HBG1: variants seen among roughly 807,000 people sequenced by gnomAD.
HBG1 encodes hemoglobin subunit gamma 1, also known as hemoglobin subunit gamma-1.
A neutral mutation model predicts 5.9 loss-of-function variants in HBG1; 1 was observed. That is an observed-to-expected ratio of 0.17 (90% CI 0.06 to 0.81). HBG1 has a LOEUF of 0.81. Among genes scored for constraint, HBG1 ranks in the 30% least tolerant of loss-of-function variants. The pLI is 0.73. For missense variants in HBG1, 57 were observed against 122.0 expected, an observed-to-expected ratio of 0.47 and a Z score of 2.51; for synonymous variants, 19 against 50.5, an observed-to-expected ratio of 0.38 and a Z score of 2.64.
rs1371155429 is a variant in HBG1 at position 5,249,365 on chromosome 11, C to T, written c.315+3G>A. 1.6e-6 allele frequency: 2 copies of T among 1,263,886 alleles called. 1 individual carries two copies. Among genetic ancestry groups the T allele is most frequent in the Non-Finnish European group, 2.2e-6 (2 of 896,858 alleles). 78.3% of individuals were successfully genotyped at this position (1,263,886 alleles called of 1,614,324 possible). A position where few individuals can be genotyped will look rare whatever the true frequency, so the allele number is the denominator to read the frequency against. On this transcript the variant is annotated splice_donor_region_variant and intron_variant, in intron 2 of 2. Transcript: ENST00000330597. ...ACAGGGCTGAAACATCTCCTGGACT[C>T]ACCTTGAAGTTCTCAGGATCCACAT... is the stretch of plus-strand genomic sequence containing the variant.
In HBG1 at chr11:5,249,551, G is replaced by A. The variant is rs1395960485; in HGVS notation, c.132C>T (p.Asp44=). 1.1e-6 allele frequency: 1 copy of A among 929,804 alleles called. No homozygotes were observed. Among genetic ancestry groups the A allele is most frequent in the South Asian group, 1.5e-5 (1 of 64,764 alleles). 57.6% of individuals were successfully genotyped at this position (929,804 alleles called of 1,614,324 possible). The change falls in exon 2 of 3, where the codon GAC becomes GAT. Residue 44 remains aspartate (D), a synonymous_variant. Transcript: ENST00000330597. The stretch of plus-strand genomic sequence containing the variant: ...AGGCAGAGGACAGGTTGCCAAAGCT[G>A]TCAAAGAACCTCTGGGTCCATGGGT... ...VVYPWTQRFF[D]SFGNLSSASA... is the part of the protein sequence containing the mutation.
chr11:5,248,780 G>GCACA (rs1292097599), intron 2 of HBG1, among the ~76,000 whole-genome samples: 2,374 of 113,042 alleles, frequency 0.021, 106 homozygotes, highest in African/African-American at 0.081. Flanking sequence ...ACGCGCGCGC[G>GCACA]CACACACACA....
At position 5,248,325 on chromosome 11, in the gene HBG1, T is replaced by C. The variant is rs113910406; in HGVS notation, c.*34A>G. 1 of 1,612,392 alleles carries C rather than the reference T, an allele frequency of 6.2e-7. No homozygotes were observed. The highest frequency in any genetic ancestry group is 8.5e-7 in the Non-Finnish European group (1 of 1,178,446). On this transcript the variant is annotated 3_prime_UTR_variant, in exon 3 of 3. Coordinates refer to ENST00000330597, the MANE Select transcript of HBG1 (RefSeq NM_000559.3). ...TTTGTATTGCTTGCAGAATAAAGCC[T>C]ATCCTTGAAAGCTCTGAATCATGGG...
intron 2 of HBG1, 41 bp downstream of exon 2, chr11:5,249,327 G>C: frequency 9.9e-7 from 1 of 1,007,682 alleles, no homozygotes; most frequent in Non-Finnish European, 1.5e-6. Context: ...AAGTTGCCTC[G>C]AGACTAAAGG....
intron 2 of HBG1, among the ~76,000 whole-genome samples, chr11:5,248,755 G>GAC (rs757934785): frequency 0.013 from 1,751 of 129,904 alleles, 16 homozygotes; most frequent in Middle Eastern, 0.018. Context: ...AACACACGCT[G>GAC]ACACACACAC....
chr11:5,248,755 GACACACACACACACACGCGCGCGCGCAC>G (rs1303035230), intron 2 of HBG1, among the ~76,000 whole-genome samples: 6 of 129,918 alleles, frequency 4.6e-5, no homozygotes, highest in Non-Finnish European at 1.0e-4. Context: ...AACACACGCT[GACACACACACACACACGCGCGCGCGCAC>G]ACACACACAC....
At chr11:5,249,225 C>G (rs1188286821) in intron 2 of HBG1, 143 bp downstream of exon 2, 2 of 764,708 alleles carry the variant, frequency 2.6e-6, no homozygotes, top group East Asian at 2.6e-5. Context: ...TGGGTCTCAG[C>G]CCAGTTAGTC....
In HBG1 at chr11:5,248,395, A is replaced by C. The variant is rs1192207007; in HGVS notation, c.408T>G (p.Thr136=). The C allele has an allele frequency of 6.2e-7, 1 of 1,614,156 alleles. No individual in the cohort carries two copies. Among genetic ancestry groups the C allele is most frequent in the Non-Finnish European group, 8.5e-7 (1 of 1,180,006 alleles). The change falls in exon 3 of 3, where the codon ACT becomes ACG. Residue 136 remains threonine, a synonymous_variant. Transcript: ENST00000330597. ...TGGAGGACAGGGCACTGGCCACTGCAGTCACCATCTTCTGCCAGGAAGCCT... is the reference window on the plus strand; with the variant it reads ...TGGAGGACAGGGCACTGGCCACTGCCGTCACCATCTTCTGCCAGGAAGCCT... ...EVQASWQKMV[T]AVASALSSRY...
Position 5,248,271 on chromosome 11 carries a change from T to TG in HBG1, c.*87dup. On this transcript the variant is annotated 3_prime_UTR_variant, in exon 3 of 3. Coordinates refer to ENST00000330597, the MANE Select transcript of HBG1 (RefSeq NM_000559.3). ...AAAAAAAGAGCTGAAGAAAATCATG[T>TG]GTGATCTCTCAGCAGAATAGATTTA... 1 of 1,556,668 alleles carries TG rather than the reference T, an allele frequency of 6.4e-7. No individual in the cohort carries two copies. Among genetic ancestry groups the TG allele is most frequent in the South Asian group, 1.1e-5 (1 of 89,028 alleles).
chr11:5,248,443 G>C lies in HBG1; in HGVS notation c.360C>G (p.Gly120=). Residue 120 remains glycine, a synonymous_variant, in exon 3 of 3, where the codon GGC becomes GGG. Transcript: ENST00000330597. ...CCTGCACCTCAGGGGTGAATTCTTTGCCGAAATGGATTGCCAAAACGGTCA... is the reference window on the plus strand; with the variant it reads ...CCTGCACCTCAGGGGTGAATTCTTTCCCGAAATGGATTGCCAAAACGGTCA... ...VLVTVLAIHF[G]KEFTPEVQAS... is the part of the protein sequence containing the mutation. 6.2e-7 allele frequency: 1 copy of C among 1,613,784 alleles called. No homozygotes were observed. Among genetic ancestry groups the C allele is most frequent in the East Asian group, 2.2e-5 (1 of 44,874 alleles).
chr11:5,248,396 G>A lies in HBG1; in HGVS notation c.407C>T (p.Thr136Ile), dbSNP rs1486035182. The A allele has an allele frequency of 6.2e-7, 1 of 1,614,152 alleles. No homozygotes were observed. The highest frequency in any genetic ancestry group is 8.5e-7 in the Non-Finnish European group (1 of 1,180,010). ...GGAGGACAGGGCACTGGCCACTGCA[G>A]TCACCATCTTCTGCCAGGAAGCCTG... ...EVQASWQKMV[T>I]AVASALSSRY... Residue 136 changes from threonine to isoleucine, a missense_variant, in exon 3 of 3, where the codon ACT (threonine) becomes ATT (isoleucine). Physicochemically the swap from Thr to Ile is moderately conservative, Grantham distance 89. Transcript: ENST00000330597.
At chr11:5,249,254 C>G in intron 2 of HBG1, 114 bp downstream of exon 2, 1 of 833,902 alleles carries the variant, frequency 1.2e-6, no homozygotes, top group East Asian at 2.6e-5. Flanking sequence ...TTTCTTCACC[C>G]CCAACCCCAG....
intron 2 of HBG1, among the ~76,000 whole-genome samples, chr11:5,249,032 C>T (rs376741482): frequency 7.2e-6 from 1 of 139,262 alleles, no homozygotes; most frequent in Non-Finnish European, 1.6e-5. Flanking sequence ...TTTTAACGAC[C>T]ATACTTGTCC....
intron 2 of HBG1, 70 bp from the exon 3 acceptor site, chr11:5,248,557 T>A (rs1760132499): frequency 7.6e-7 from 1 of 1,311,416 alleles, no homozygotes; most frequent in East Asian, 2.3e-5. Flanking sequence ...GGCCTCCAGA[T>A]AACTACACAC....
chr11:5,248,297 T>C lies in HBG1; in HGVS notation c.*62A>G. On this transcript the variant is annotated 3_prime_UTR_variant, in exon 3 of 3. Coordinates refer to ENST00000330597, the MANE Select transcript of HBG1 (RefSeq NM_000559.3). ...GTGATCTCTCAGCAGAATAGATTTATTATTTGTATTGCTTGCAGAATAAAG... is the reference window on the plus strand; with the variant it reads ...GTGATCTCTCAGCAGAATAGATTTACTATTTGTATTGCTTGCAGAATAAAG... 1 of 1,591,168 alleles carries C rather than the reference T, an allele frequency of 6.3e-7. No individual in the cohort carries two copies. Among genetic ancestry groups the C allele is most frequent in the Non-Finnish European group, 8.6e-7 (1 of 1,162,168 alleles).
rs757239069 is a variant in HBG1 at position 5,248,493 on chromosome 11, G to C, written c.316-6C>G. The C allele has an allele frequency of 3.1e-6, 5 of 1,612,038 alleles. No homozygotes were observed. The highest frequency in any genetic ancestry group is 2.2e-5 in the East Asian group (1 of 44,828). ...ACCAGCACATTTCCCAGGAGCTGTT[G>C]AGATGAAAGGAGACAATAAAGATGA... On this transcript the variant is annotated splice_polypyrimidine_tract_variant and splice_region_variant and intron_variant, in intron 2 of 2. Coordinates refer to ENST00000330597, the MANE Select transcript of HBG1 (RefSeq NM_000559.3).
chr11:5,248,314 A>C lies in HBG1; in HGVS notation c.*45T>G. On this transcript the variant is annotated 3_prime_UTR_variant, in exon 3 of 3. Coordinates refer to ENST00000330597, the MANE Select transcript of HBG1 (RefSeq NM_000559.3). The stretch of plus-strand genomic sequence containing the variant: ...TAGATTTATTATTTGTATTGCTTGC[A>C]GAATAAAGCCTATCCTTGAAAGCTC... 6.2e-7 allele frequency: 1 copy of C among 1,608,796 alleles called. No homozygotes were observed. Among genetic ancestry groups the C allele is most frequent in the South Asian group, 1.1e-5 (1 of 90,920 alleles).
At chr11:5,248,930 C>G (rs1847914469) in intron 2 of HBG1, among the ~76,000 whole-genome samples, 1 of 148,754 alleles carries the variant, frequency 6.7e-6, no homozygotes, top group Non-Finnish European at 1.5e-5. Context: ...TTATATGTGT[C>G]CAGCTGATAT....
At chr11:5,248,759 C>CAA (rs1171302906) in intron 2 of HBG1, among the ~76,000 whole-genome samples, 2 of 121,488 alleles carry the variant, frequency 1.6e-5, no homozygotes, top group East Asian at 4.1e-4. Context: ...CACGCTGACA[C>CAA]ACACACACAC....
Sources: allele counts gnomAD v4.1 joint callset (sites outside exome capture counted in the v4.1 genomes callset), GRCh38; gene constraint gnomAD v4.1.1; transcripts MANE v1.5; gene names NCBI Gene and HGNC (gene_info 2026-07-23, HGNC 2026-07-21).